The following BST1 variants were observed in gnomAD, a reference collection of about 807,000 sequenced individuals.
BST1 encodes bone marrow stromal cell antigen 1.
A neutral mutation model predicts 40.6 loss-of-function variants in BST1; 49 were observed. The ratio of observed to expected loss-of-function variants is 1.21; its 90% CI spans 0.96 to 1.53. The LOEUF is 1.53. BST1 is among the 40% of genes most tolerant of loss of function. BST1 has a pLI of 0.00. For missense variants in BST1, 423 were observed against 395.9 expected (o/e 1.07, Z -0.58); for synonymous variants, 157 against 159.3 (o/e 0.99, Z 0.11).
chr4:15,716,028 A>T (rs1381547605), intron 6 of BST1, among the ~76,000 whole-genome samples: 1 of 152,230 alleles, frequency 6.6e-6, no homozygotes, highest in Non-Finnish European at 1.5e-5. Flanking sequence ...CAGCCAGCGA[A>T]GACAGTGTTC....
At chr4:15,762,784 A>G in the BST1 span, among the ~76,000 whole-genome samples, 1 of 152,092 alleles carries the variant, frequency 6.6e-6, no homozygotes, top group African/African-American at 2.4e-5. Flanking sequence ...TCCACATATA[A>G]GTGCAATCAT....
chr4:15,740,248 G>A (rs2148901313), downstream of BST1, among the ~76,000 whole-genome samples: 1 of 152,260 alleles, frequency 6.6e-6, no homozygotes, highest in South Asian at 2.1e-4. Context: ...GCTAGAGACG[G>A]GGTTTTGCCA....
intron 3 of BST1, among the ~76,000 whole-genome samples, chr4:15,709,450 A>C (rs1378119728): frequency 6.6e-6 from 1 of 152,236 alleles, no homozygotes; most frequent in East Asian, 1.9e-4. Flanking sequence ...TGAGATGGGC[A>C]GCATTGCAGG....
chr4:15,710,405 T>C (rs535096509), intron 3 of BST1, among the ~76,000 whole-genome samples: 1 of 152,328 alleles, frequency 6.6e-6, no homozygotes, highest in South Asian at 2.1e-4. Flanking sequence ...AGCATATCAA[T>C]CATCTTAAAC....
downstream of BST1, among the ~76,000 whole-genome samples, chr4:15,734,851 CACAGGGAGCAG>C (rs1190359615): frequency 3.9e-5 from 6 of 152,228 alleles, no homozygotes; most frequent in Admixed American, 1.3e-4. Flanking sequence ...CGGACACTGC[CACAGGGAGCAG>C]GCAGGAGCGG....
downstream of BST1, among the ~76,000 whole-genome samples, chr4:15,738,767 G>A (rs561475529): frequency 8.1e-4 from 124 of 152,244 alleles, no homozygotes; most frequent in Middle Eastern, 6.8e-3. Context: ...CCAAAGTAAA[G>A]ACTAGAAGCA....
At chr4:15,763,845 G>T in the BST1 span, among the ~76,000 whole-genome samples, 32 of 152,132 alleles carry the variant, frequency 2.1e-4, no homozygotes, top group East Asian at 5.2e-3. Flanking sequence ...TATGATTCCA[G>T]CTGTATGACA....
chr4:15,769,105 C>G, the BST1 span, among the ~76,000 whole-genome samples: 4 of 152,120 alleles, frequency 2.6e-5, no homozygotes, highest in African/African-American at 9.7e-5. Context: ...TGTATGAATT[C>G]CAGCATCTCC....
the BST1 span, among the ~76,000 whole-genome samples, chr4:15,763,382 A>G: frequency 6.6e-6 from 1 of 151,958 alleles, no homozygotes; most frequent in East Asian, 1.9e-4. Context: ...ATAATACACC[A>G]AAATATTAAT....
downstream of BST1, among the ~76,000 whole-genome samples, chr4:15,740,046 G>A (rs115168054): frequency 0.011 from 1,697 of 152,116 alleles, 33 homozygotes; most frequent in African/African-American, 0.039. Context: ...CTCACTGGCT[G>A]ATAACTAAAT....
At chr4:15,755,058 T>C in the BST1 span, among the ~76,000 whole-genome samples, 2 of 152,250 alleles carry the variant, frequency 1.3e-5, no homozygotes, top group Admixed American at 6.5e-5. Context: ...TAATATTCCA[T>C]GGGAGAGATG....
chr4:15,703,207 A>G lies in BST1; in HGVS notation c.63A>G (p.Leu21=), dbSNP rs746797878. The G allele has an allele frequency of 1.3e-6, 2 of 1,553,830 alleles. No individual in the cohort carries two copies. Among genetic ancestry groups the G allele is most frequent in the East Asian group, 2.4e-5 (1 of 41,132 alleles). Residue 21 remains leucine, a synonymous_variant, in exon 1 of 9, where the codon CTA becomes CTG. Coordinates refer to ENST00000265016, the MANE Select transcript of BST1 (RefSeq NM_004334.3). ...AGCTGCTGCTGCAGCTTCTGCTTCT[A>G]CTGTTGCTGCTGGCGGCGGGCGGGG... The part of the protein sequence containing the change: ...LLQLLLQLLL[L]LLLLAAGGAR...
chr4:15,723,701 C>T (rs1314518426), intron 8 of BST1: 1 of 855,140 alleles, frequency 1.2e-6, no homozygotes, highest in East Asian at 1.2e-4. Context: ...GATAGATTCC[C>T]AGAAATTGAG....
chr4:15,719,337 C>T (rs556008855), intron 7 of BST1, among the ~76,000 whole-genome samples: 1 of 152,086 alleles, frequency 6.6e-6, no homozygotes, highest in East Asian at 1.9e-4. Flanking sequence ...CTGTGGGATC[C>T]CTGTGCATGA....
the BST1 span, among the ~76,000 whole-genome samples, chr4:15,772,618 T>G: frequency 6.6e-6 from 1 of 152,098 alleles, no homozygotes; most frequent in African/African-American, 2.4e-5. Context: ...GCCTCTGAGA[T>G]GGGTATTGTC....
In BST1 at chr4:15,722,910, C is replaced by G. The variant is rs376250506; in HGVS notation, c.827C>G (p.Thr276Ser). ...CTCTTACAGTGCGTGGACCACAGCA[C>G]CCATCCTGACTGTGCCTTAAAGTCG... ...VKLLQCVDHS[T>S]HPDCALKSAA... Residue 276 changes from threonine to serine, a missense_variant, in exon 8 of 9, where the codon ACC (threonine) becomes AGC (serine). By Grantham distance (58) the Thr-to-Ser change is moderately conservative (BLOSUM62 1). Transcript: ENST00000265016. 1.2e-6 allele frequency: 2 copies of G among 1,613,672 alleles called. No individual in the cohort carries two copies. The highest frequency in any genetic ancestry group is 1.7e-6 in the Non-Finnish European group (2 of 1,179,784).
At chr4:15,737,730 C>G, downstream of BST1, 2 of 1,226,914 alleles carry the variant, frequency 1.6e-6, no homozygotes, top group Non-Finnish European at 2.1e-6. Context: ...TTACACTTGG[C>G]TGTATTCCCT....
the BST1 span, among the ~76,000 whole-genome samples, chr4:15,751,102 C>A: frequency 6.6e-6 from 1 of 152,118 alleles, no homozygotes; most frequent in Non-Finnish European, 1.5e-5. Flanking sequence ...AGAGTTCATG[C>A]ACTACAGAGA....
the BST1 span, among the ~76,000 whole-genome samples, chr4:15,745,078 A>T: frequency 6.6e-6 from 1 of 152,250 alleles, no homozygotes; most frequent in Admixed American, 6.5e-5. Flanking sequence ...TGCAGGTAAT[A>T]AAAGTGTTTT....
Sources: allele counts gnomAD v4.1 joint callset (sites outside exome capture counted in the v4.1 genomes callset), GRCh38; gene constraint gnomAD v4.1.1; transcripts MANE v1.5; gene names NCBI Gene and HGNC (gene_info 2026-07-23, HGNC 2026-07-21).